Variants in PCDH9 observed in about 807,000 individuals in gnomAD.
The protein encoded by PCDH9 is protocadherin 9.
A neutral mutation model predicts 70.6 loss-of-function variants in PCDH9; 24 were observed. The ratio of observed to expected loss-of-function variants is 0.34; its 90% CI spans 0.25 to 0.48. The LOEUF (loss-of-function observed/expected upper bound fraction) is 0.48. Among genes scored for constraint, PCDH9 ranks in the 20% least tolerant of loss-of-function variants. The pLI is 0.99. For missense variants in PCDH9, 1,281 were observed against 1,503.6 expected (o/e 0.85, Z 2.45); for synonymous variants, 562 against 558.5 (o/e 1.01, Z -0.09).
chr13:66,759,010 T>C (rs1043362658), intron 3 of PCDH9, among the ~76,000 whole-genome samples: 8 of 149,158 alleles, frequency 5.4e-5, no homozygotes, highest in East Asian at 3.9e-4. Flanking sequence ...ATGAATCATC[T>C]TTTTTTTCTT....
At chr13:67,010,028 A>G (rs553197866) in intron 2 of PCDH9, among the ~76,000 whole-genome samples, 1 of 152,176 alleles carries the variant, frequency 6.6e-6, no homozygotes, top group East Asian at 1.9e-4. Flanking sequence ...ACTGATGTTC[A>G]GGAAATGTGA....
intron 4 of PCDH9, among the ~76,000 whole-genome samples, chr13:66,378,650 T>A (rs1053272677): frequency 6.6e-6 from 1 of 152,216 alleles, no homozygotes; most frequent in Non-Finnish European, 1.5e-5. Flanking sequence ...ATCATTATCA[T>A]AGTTATTCTT....
intron 4 of PCDH9, among the ~76,000 whole-genome samples, chr13:66,512,182 G>A (rs1959507661): frequency 6.6e-6 from 1 of 151,038 alleles, no homozygotes. Flanking sequence ...CCACATTTAG[G>A]TGGCTTCATC....
At chr13:66,924,843 T>C (rs1178967181) in intron 2 of PCDH9, among the ~76,000 whole-genome samples, 1 of 151,770 alleles carries the variant, frequency 6.6e-6, no homozygotes, top group African/African-American at 2.4e-5. Flanking sequence ...GCTATTTCCA[T>C]CTGTAGGGAT....
At chr13:66,723,098 A>AT (rs574777957) in intron 3 of PCDH9, among the ~76,000 whole-genome samples, 444 of 150,538 alleles carry the variant, frequency 2.9e-3, no homozygotes, top group Non-Finnish European at 4.0e-3. Flanking sequence ...ATCCTCCCAC[A>AT]TTTTTTTTTG....
chr13:66,927,574 C>G lies in PCDH9; in HGVS notation c.3037-23969G>C, dbSNP rs552691832. On this transcript the variant is annotated intron_variant, in intron 2 of 4. Transcript: ENST00000377865. ...GTTAAAAACAAAAACAAAGAAAACCCTAATTTCTCACTATACTGGAGCCTA... is the reference window on the plus strand; with the variant it reads ...GTTAAAAACAAAAACAAAGAAAACCGTAATTTCTCACTATACTGGAGCCTA... Among the ~76,000 whole-genome samples the G allele has an allele frequency of 2.0e-5, 3 of 152,132 alleles. No individual in the cohort carries two copies. The South Asian group carries it at 6.2e-4, about 32-fold the overall frequency.
At position 66,849,509 on chromosome 13, in the gene PCDH9, T is replaced by TAGAGAGAG. The variant is rs71766427; in HGVS notation, c.3138+53994_3138+53995insCTCTCTCT. ...AGGTATATATATATATATATATATA[T>TAGAGAGAG]ATATATATAGAGAGAGAGAGAGAGA... is the stretch of plus-strand genomic sequence containing the variant. On this transcript the variant is annotated intron_variant, in intron 3 of 4. Transcript: ENST00000377865. Among the ~76,000 whole-genome samples, 429 of 86,536 alleles carry TAGAGAGAG rather than the reference T, an allele frequency of 5.0e-3. 6 individuals carry two copies. Among genetic ancestry groups the TAGAGAGAG allele is most frequent in the African/African-American group, 0.019 (342 of 18,078 alleles). 56.8% of individuals were successfully genotyped at this position (86,536 alleles called of 152,430 possible). A position where few individuals can be genotyped will look rare whatever the true frequency, so the allele number is the denominator to read the frequency against.
At chr13:66,680,107 A>C (rs999817991) in intron 3 of PCDH9, among the ~76,000 whole-genome samples, 1 of 151,902 alleles carries the variant, frequency 6.6e-6, no homozygotes. Flanking sequence ...TGGGGGATTG[A>C]CTATGTCCAA....
chr13:66,532,110 C>G (rs1383593458), intron 4 of PCDH9, among the ~76,000 whole-genome samples: 1 of 152,058 alleles, frequency 6.6e-6, no homozygotes, highest in Non-Finnish European at 1.5e-5. Flanking sequence ...CCTTTGCCTC[C>G]TAAATAGCTG....
chr13:66,526,361 T>C (rs1960215586), intron 4 of PCDH9, among the ~76,000 whole-genome samples: 2 of 152,078 alleles, frequency 1.3e-5, no homozygotes, highest in South Asian at 4.2e-4. Flanking sequence ...TGCAAATATT[T>C]TGATGAACCA....
At chr13:66,545,822 T>TA (rs759796121) in intron 4 of PCDH9, among the ~76,000 whole-genome samples, 12 of 149,550 alleles carry the variant, frequency 8.0e-5, no homozygotes, top group Non-Finnish European at 1.6e-4. Context: ...TATTTTATTT[T>TA]ATTTTATTTT....
chr13:67,105,413 A>G (rs2086518801), intron 2 of PCDH9, among the ~76,000 whole-genome samples: 1 of 152,158 alleles, frequency 6.6e-6, no homozygotes, highest in Admixed American at 6.5e-5. Flanking sequence ...GGTTTTGAGA[A>G]TCACACTCTA....
intron 3 of PCDH9, among the ~76,000 whole-genome samples, chr13:66,699,508 C>T (rs1295976996): frequency 6.6e-6 from 1 of 152,062 alleles, no homozygotes; most frequent in Admixed American, 6.6e-5. Flanking sequence ...CCGTATAAGA[C>T]ACACATAGAG....
Position 67,230,176 on chromosome 13 carries a change from T to A in PCDH9, c.-532A>T, listed in dbSNP as rs2089974734. On this transcript the variant is annotated 5_prime_UTR_variant, in exon 1 of 5. Transcript: ENST00000377865. ...AACGTCAGAGTTGCGGTGATGATGATTCTCTGACAGCTATCCGGGTGACAG... is the reference window on the plus strand; with the variant it reads ...AACGTCAGAGTTGCGGTGATGATGAATCTCTGACAGCTATCCGGGTGACAG... 1 of 152,250 alleles carries A rather than the reference T, an allele frequency of 6.6e-6. No individual in the cohort carries two copies. 9.4% of individuals were successfully genotyped at this position (152,250 alleles called of 1,614,324 possible). A position where few individuals can be genotyped will look rare whatever the true frequency, so the allele number is the denominator to read the frequency against.
chr13:66,553,930 A>C (rs1402734243), intron 4 of PCDH9, among the ~76,000 whole-genome samples: 2 of 152,164 alleles, frequency 1.3e-5, no homozygotes, highest in Admixed American at 1.3e-4. Context: ...TTCCATTTAC[A>C]TAGAGTTCAT....
intron 2 of PCDH9, among the ~76,000 whole-genome samples, chr13:67,112,708 C>T (rs9317639): frequency 0.051 from 7,661 of 148,896 alleles, 255 homozygotes; most frequent in Non-Finnish European, 0.081. Context: ...CCTCCCTTTC[C>T]GCCTTCCTTC....
At chr13:67,104,323 G>A (rs1002824094) in intron 2 of PCDH9, among the ~76,000 whole-genome samples, 1 of 152,154 alleles carries the variant, frequency 6.6e-6, no homozygotes, top group African/African-American at 2.4e-5. Context: ...AATTCACATG[G>A]ATTTTTAAAG....
intron 3 of PCDH9, among the ~76,000 whole-genome samples, chr13:66,773,870 C>T (rs561558604): frequency 2.6e-5 from 4 of 151,118 alleles, no homozygotes; most frequent in East Asian, 4.0e-4. Context: ...CTCTGCCTCC[C>T]GGGTTCAAGC....
At chr13:67,139,574 T>A (rs184429580) in intron 2 of PCDH9, among the ~76,000 whole-genome samples, 25 of 152,338 alleles carry the variant, frequency 1.6e-4, no homozygotes, top group African/African-American at 5.5e-4. Context: ...ATTGTAAGAT[T>A]TCGAACATAT....
Sources: allele counts gnomAD v4.1 joint callset (sites outside exome capture counted in the v4.1 genomes callset), GRCh38; gene constraint gnomAD v4.1.1; transcripts MANE v1.5; gene names NCBI Gene and HGNC (gene_info 2026-07-23, HGNC 2026-07-21).